Variants in RFNG observed in about 807,000 individuals in gnomAD.
The protein encoded by RFNG is RFNG O-fucosylpeptide 3-beta-N-acetylglucosaminyltransferase.
Under a neutral mutation model 29.6 loss-of-function variants are expected in RFNG, and 37 were observed. The ratio of observed to expected loss-of-function variants is 1.25; its 90% CI spans 0.96 to 1.65. The LOEUF (loss-of-function observed/expected upper bound fraction) is 1.65, where lower values mean the gene tolerates loss of function less well. Among genes scored for constraint, RFNG ranks in the 40% most tolerant of loss-of-function variants. RFNG has a pLI of 0.00. For synonymous variants in RFNG, 276 were observed against 197.3 expected (o/e 1.40, Z -3.34); for missense variants, 546 against 457.0 (o/e 1.19, Z -1.78).
chr17:82,051,612 G>T lies in RFNG; in HGVS notation c.155C>A (p.Ala52Asp), dbSNP rs1364064587. 2.4e-6 allele frequency: 3 copies of T among 1,245,708 alleles called. No individual in the cohort carries two copies. Among genetic ancestry groups the T allele is most frequent in the Non-Finnish European group, 3.0e-6 (3 of 994,184 alleles). The allele number at this position is 1,245,708 out of a possible 1,614,324, so 77.2% of individuals were successfully genotyped here. A position where few individuals can be genotyped will look rare whatever the true frequency, so the allele number is the denominator to read the frequency against. ...GACGTCGTCAGGCCGCAGGCTGGGG[G>T]CAGCGGGCCGGGACGGGGGCGCGCG... ...APRAPPSRPA[A>D]PSLRPDDVFI... The change falls in exon 1 of 8, where the codon GCC (alanine) becomes GAC (aspartate). Residue 52 changes from alanine (A) to aspartate (D), a missense_variant. By Grantham distance (126) the Ala-to-Asp change is moderately radical. Coordinates refer to ENST00000310496, the MANE Select transcript of RFNG (RefSeq NM_002917.2). The surrounding 1 kb of genome is among the most constrained non-coding windows in gnomAD (Gnocchi z 4.1).
intron 6 of RFNG, 170 bp from the exon 7 acceptor site, chr17:82,049,286 A>C: frequency 2.8e-6 from 2 of 710,480 alleles, no homozygotes; most frequent in Non-Finnish European, 5.1e-6. Flanking sequence ...GAGTAGGGGG[A>C]CACCTCAGGC....
Position 82,050,742 on chromosome 17 carries a change from G to A in RFNG, c.339C>T (p.Asn113=), listed in dbSNP as rs1208683188. The change falls in exon 3 of 8, where the codon AAC becomes AAT. Residue 113 remains asparagine (N), a synonymous_variant. Coordinates refer to ENST00000310496, the MANE Select transcript of RFNG (RefSeq NM_002917.2). ...LQGGDRVINT[N]CSAVRTRQAL... The stretch of plus-strand genomic sequence containing the variant: ...CCTGACGAGTGCGCACCGCCGAGCA[G>A]TTGGTGTTGATGACACGGTCGCCTG... The A allele has an allele frequency of 6.2e-7, 1 of 1,613,156 alleles. No individual in the cohort carries two copies. Among genetic ancestry groups the A allele is most frequent in the Non-Finnish European group, 8.5e-7 (1 of 1,179,942 alleles).
In RFNG at chr17:82,051,798, G is replaced by A. The variant is rs1438461919; in HGVS notation, c.-32C>T. ...GCCGGGACCCCCGGCGCTGCGAGCG[G>A]AGAACCTGGCCGGAGCCGTGGGTGG... On this transcript the variant is annotated 5_prime_UTR_variant, in exon 1 of 8. Coordinates refer to ENST00000310496, the MANE Select transcript of RFNG (RefSeq NM_002917.2). This position sits in a 1 kb window ranked among gnomAD's most constrained non-coding sequence, Gnocchi z 4.1. 20 of 1,128,268 alleles carry A rather than the reference G, an allele frequency of 1.8e-5. No homozygotes were observed. Among genetic ancestry groups the A allele is most frequent in the South Asian group, 4.3e-5 (1 of 23,410 alleles). 69.9% of individuals were successfully genotyped at this position (1,128,268 alleles called of 1,614,324 possible). A position where few individuals can be genotyped will look rare whatever the true frequency, so the allele number is the denominator to read the frequency against.
chr17:82,048,227 G>A lies in RFNG; in HGVS notation c.*499C>T. On this transcript the variant is annotated 3_prime_UTR_variant, in exon 8 of 8. Coordinates refer to ENST00000310496, the MANE Select transcript of RFNG (RefSeq NM_002917.2). ...GAGAACATGACCTTCCCGGGCCTGA[G>A]TCCCACTGTGGTGCCCGGCCGTGCA... The A allele has an allele frequency of 5.8e-6, 1 of 171,572 alleles. No individual in the cohort carries two copies. Among genetic ancestry groups the A allele is most frequent in the South Asian group, 1.4e-4 (1 of 7,150 alleles). 10.6% of individuals were successfully genotyped at this position (171,572 alleles called of 1,614,324 possible).
Position 82,051,450 on chromosome 17 carries a change from G to A in RFNG, c.267+50C>T. The A allele has an allele frequency of 1.5e-6, 2 of 1,344,156 alleles. No homozygotes were observed. The highest frequency in any genetic ancestry group is 1.9e-6 in the Non-Finnish European group (2 of 1,045,346). The allele number at this position is 1,344,156 out of a possible 1,614,324, so 83.3% of individuals were successfully genotyped here. On this transcript the variant is annotated intron_variant, in intron 1 of 7. Coordinates refer to ENST00000310496, the MANE Select transcript of RFNG (RefSeq NM_002917.2). This position sits in a 1 kb window ranked among gnomAD's most constrained non-coding sequence, Gnocchi z 4.1. ...CTGGGCCGGGCCTAGACCCTGGGAG[G>A]CGGGGCGGGTGGGCGTGGGGCTCGC... is the stretch of plus-strand genomic sequence containing the variant.
At position 82,051,433 on chromosome 17, in the gene RFNG, G is replaced by C; in HGVS notation, c.267+67C>G. The C allele has an allele frequency of 7.3e-7, 1 of 1,364,596 alleles. No individual in the cohort carries two copies. Among genetic ancestry groups the C allele is most frequent in the Non-Finnish European group, 9.5e-7 (1 of 1,057,258 alleles). 84.5% of individuals were successfully genotyped at this position (1,364,596 alleles called of 1,614,324 possible). On this transcript the variant is annotated intron_variant, in intron 1 of 7. Coordinates refer to ENST00000310496, the MANE Select transcript of RFNG (RefSeq NM_002917.2). The surrounding 1 kb of genome is among the most constrained non-coding windows in gnomAD (Gnocchi z 4.1). ...GCGGAGCCTCCGGGGGCCTGGGCCG[G>C]GCCTAGACCCTGGGAGGCGGGGCGG...
At position 82,050,370 on chromosome 17, in the gene RFNG, T is replaced by C. The variant is rs376580295; in HGVS notation, c.573+32A>G. The C allele has an allele frequency of 3.3e-5, 51 of 1,536,758 alleles. No homozygotes were observed. In the African/African-American group the frequency reaches 6.1e-4, roughly 18 times the overall value. Reference sequence around the variant, plus strand: ...TCCCGGGCTGGTGTCAAGGAAGGCGTCTGCTCCGATGGCGTCTGCTCCGAC... The same window carrying C: ...TCCCGGGCTGGTGTCAAGGAAGGCGCCTGCTCCGATGGCGTCTGCTCCGAC... On this transcript the variant is annotated intron_variant, in intron 4 of 7. Coordinates refer to ENST00000310496, the MANE Select transcript of RFNG (RefSeq NM_002917.2).
chr17:82,051,240 G>A lies in RFNG; in HGVS notation c.316+54C>T, dbSNP rs867404966. 16 of 1,328,350 alleles carry A rather than the reference G, an allele frequency of 1.2e-5. No homozygotes were observed. In the Middle Eastern group the frequency reaches 9.1e-4, roughly 76 times the overall value. 82.3% of individuals were successfully genotyped at this position (1,328,350 alleles called of 1,614,324 possible). ...AGCGAAGGGGCCGTGGCTTCGGAGCGAGAAAGGCTCGGGGGGCAGATCCCG... is the reference window on the plus strand; with the variant it reads ...AGCGAAGGGGCCGTGGCTTCGGAGCAAGAAAGGCTCGGGGGGCAGATCCCG... On this transcript the variant is annotated intron_variant, in intron 2 of 7. Transcript: ENST00000310496. The surrounding 1 kb of genome is among the most constrained non-coding windows in gnomAD (Gnocchi z 4.1).
Position 82,051,570 on chromosome 17 carries a change from G to C in RFNG, c.197C>G (p.Thr66Ser). The C allele has an allele frequency of 2.9e-6, 4 of 1,377,634 alleles. No individual in the cohort carries two copies. The highest frequency in any genetic ancestry group is 3.8e-6 in the Non-Finnish European group (4 of 1,061,798). 85.3% of individuals were successfully genotyped at this position (1,377,634 alleles called of 1,614,324 possible). ...RPDDVFIAVKTTRKNHGPRLR... is the reference protein window; with the variant it reads ...RPDDVFIAVKSTRKNHGPRLR... ...GCGCGGCCCGTGGTTCTTCCGGGTGGTCTTGACGGCGATGAAGACGTCGTC... is the reference window on the plus strand; with the variant it reads ...GCGCGGCCCGTGGTTCTTCCGGGTGCTCTTGACGGCGATGAAGACGTCGTC... The change falls in exon 1 of 8, where the codon ACC (threonine) becomes AGC (serine). Residue 66 changes from threonine to serine, a missense_variant. Thr to Ser is a moderately conservative substitution (Grantham distance 58). Transcript: ENST00000310496. This position sits in a 1 kb window ranked among gnomAD's most constrained non-coding sequence, Gnocchi z 4.1.
chr17:82,051,342 T>C lies in RFNG; in HGVS notation c.268A>G (p.Thr90Ala). The change falls in exon 2 of 8, where the codon ACG becomes GCG. Residue 90 changes from threonine (T) to alanine (A), a missense_variant and splice_region_variant. Physicochemically the swap from Thr to Ala is moderately conservative, Grantham distance 58. Coordinates refer to ENST00000310496, the MANE Select transcript of RFNG (RefSeq NM_002917.2). The surrounding 1 kb of genome is among the most constrained non-coding windows in gnomAD (Gnocchi z 4.1). Reference sequence around the variant, plus strand: ...TCGTCCCCGTCGGTGAAGATAAACGTCTGGGGGAGAAACAATCTATGAGGC... The same window carrying C: ...TCGTCCCCGTCGGTGAAGATAAACGCCTGGGGGAGAAACAATCTATGAGGC... ...RTWISRARQQ[T>A]FIFTDGDDPE... 6.8e-7 allele frequency: 1 copy of C among 1,465,730 alleles called. No individual in the cohort carries two copies. Among genetic ancestry groups the C allele is most frequent in the Non-Finnish European group, 8.9e-7 (1 of 1,118,324 alleles). 90.8% of individuals were successfully genotyped at this position (1,465,730 alleles called of 1,614,324 possible). A position where few individuals can be genotyped will look rare whatever the true frequency, so the allele number is the denominator to read the frequency against.
At position 82,051,536 on chromosome 17, in the gene RFNG, C is replaced by T; in HGVS notation, c.231G>A (p.Leu77=). The T allele has an allele frequency of 7.1e-7, 1 of 1,399,938 alleles. No homozygotes were observed. The highest frequency in any genetic ancestry group is 9.3e-7 in the Non-Finnish European group (1 of 1,072,798). 86.7% of individuals were successfully genotyped at this position (1,399,938 alleles called of 1,614,324 possible). A position where few individuals can be genotyped will look rare whatever the true frequency, so the allele number is the denominator to read the frequency against. ...TRKNHGPRLR[L]LLRTWISRAR... ...CCCGGGAGATCCAGGTGCGCAGCAG[C>T]AGCCGCAGGCGCGGCCCGTGGTTCT... The change falls in exon 1 of 8, where the codon CTG becomes CTA. Residue 77 remains leucine, a synonymous_variant. Coordinates refer to ENST00000310496, the MANE Select transcript of RFNG (RefSeq NM_002917.2). The surrounding 1 kb of genome is among the most constrained non-coding windows in gnomAD (Gnocchi z 4.1).
At position 82,049,088 on chromosome 17, in the gene RFNG, T is replaced by C. The variant is rs2030101050; in HGVS notation, c.857A>G (p.Asn286Ser). Residue 286 changes from asparagine to serine, a missense_variant, in exon 7 of 8, where the codon AAC becomes AGC. Asn to Ser is a conservative substitution (Grantham distance 46). Coordinates refer to ENST00000310496, the MANE Select transcript of RFNG (RefSeq NM_002917.2). ...AGCCACGTTCACCACGTTATGTGGG[T>C]TCTCAGGACCCCCATGGCTCAAGGT... ...QVTLSHGGPENPHNVVNVAGG... is the reference protein window; with the variant it reads ...QVTLSHGGPESPHNVVNVAGG... 1 of 1,613,506 alleles carries C rather than the reference T, an allele frequency of 6.2e-7. No homozygotes were observed. Among genetic ancestry groups the C allele is most frequent in the Admixed American group, 1.7e-5 (1 of 60,004 alleles).
rs977036470 is a variant in RFNG at position 82,051,154 on chromosome 17, C to T, written c.316+140G>A. On this transcript the variant is annotated intron_variant, in intron 2 of 7. Coordinates refer to ENST00000310496, the MANE Select transcript of RFNG (RefSeq NM_002917.2). The surrounding 1 kb of genome is among the most constrained non-coding windows in gnomAD (Gnocchi z 4.1). ...GTGGGCCCTCCGCAGGCCGCGTGAC[C>T]TGGGCAGCGTCGGGGCCTCCCCGGG... is the stretch of plus-strand genomic sequence containing the variant. 2.4e-5 allele frequency: 32 copies of T among 1,310,338 alleles called. No individual in the cohort carries two copies. In the South Asian group the frequency reaches 5.5e-4, roughly 22 times the overall value. 81.2% of individuals were successfully genotyped at this position (1,310,338 alleles called of 1,614,324 possible).
In RFNG at chr17:82,051,245, A is replaced by G. The variant is rs758958470; in HGVS notation, c.316+49T>C. The G allele has an allele frequency of 7.5e-6, 10 of 1,331,356 alleles. No individual in the cohort carries two copies. Among genetic ancestry groups the G allele is most frequent in the Non-Finnish European group, 8.7e-6 (9 of 1,037,200 alleles). The allele number at this position is 1,331,356 out of a possible 1,614,324, so 82.5% of individuals were successfully genotyped here. ...AGGGGCCGTGGCTTCGGAGCGAGAA[A>G]GGCTCGGGGGGCAGATCCCGCGGGC... is the stretch of plus-strand genomic sequence containing the variant. On this transcript the variant is annotated intron_variant, in intron 2 of 7. Coordinates refer to ENST00000310496, the MANE Select transcript of RFNG (RefSeq NM_002917.2). The surrounding 1 kb of genome is among the most constrained non-coding windows in gnomAD (Gnocchi z 4.1).
Position 82,051,555 on chromosome 17 carries a change from T to C in RFNG, c.212A>G (p.His71Arg). The change falls in exon 1 of 8, where the codon CAC (histidine) becomes CGC (arginine). Residue 71 changes from histidine (H) to arginine (R), a missense_variant. Transcript: ENST00000310496. This position sits in a 1 kb window ranked among gnomAD's most constrained non-coding sequence, Gnocchi z 4.1. ...CAGCAGCAGCCGCAGGCGCGGCCCG[T>C]GGTTCTTCCGGGTGGTCTTGACGGC... ...FIAVKTTRKN[H>R]GPRLRLLLRT... The C allele has an allele frequency of 7.2e-7, 1 of 1,394,550 alleles. No individual in the cohort carries two copies. The highest frequency in any genetic ancestry group is 9.3e-7 in the Non-Finnish European group (1 of 1,070,388). The allele number at this position is 1,394,550 out of a possible 1,614,324, so 86.4% of individuals were successfully genotyped here.
At chr17:82,048,873 G>GTA (rs2030083447) in intron 7 of RFNG, 66 bp from the exon 8 acceptor site, 7 of 1,511,330 alleles carry the variant, frequency 4.6e-6, no homozygotes, top group Non-Finnish European at 6.4e-6. Flanking sequence ...AGGGCCGTGG[G>GTA]CGGCGGGAGA....
At position 82,050,496 on chromosome 17, in the gene RFNG, A is replaced by T; in HGVS notation, c.479T>A (p.Leu160His). ...GTCCTGGCTGGGTGAGAAGCTGGAG[A>T]GCAGGTGCAGGAGGCTCCTGGCGTT... ...YVNARSLLHL[L>H]SSFSPSQDVY... Residue 160 changes from leucine (L) to histidine (H), a missense_variant, in exon 4 of 8, where the codon CTC (leucine) becomes CAC (histidine). Coordinates refer to ENST00000310496, the MANE Select transcript of RFNG (RefSeq NM_002917.2). The T allele has an allele frequency of 6.2e-7, 1 of 1,612,914 alleles. No individual in the cohort carries two copies. Among genetic ancestry groups the T allele is most frequent in the South Asian group, 1.1e-5 (1 of 91,060 alleles).
At chr17:82,048,838 G>A (rs758363257) in intron 7 of RFNG, 31 bp from the exon 8 acceptor site, 19 of 1,586,326 alleles carry the variant, frequency 1.2e-5, no homozygotes, top group African/African-American at 4.0e-5. Flanking sequence ...GGTCAGGGCC[G>A]TGGGCGGAGA....
chr17:82,051,257 C>A lies in RFNG; in HGVS notation c.316+37G>T. 1 of 1,343,484 alleles carries A rather than the reference C, an allele frequency of 7.4e-7. No individual in the cohort carries two copies. Among genetic ancestry groups the A allele is most frequent in the Non-Finnish European group, 9.6e-7 (1 of 1,044,344 alleles). 83.2% of individuals were successfully genotyped at this position (1,343,484 alleles called of 1,614,324 possible). ...TTCGGAGCGAGAAAGGCTCGGGGGGCAGATCCCGCGGGCGCCGGGGAGTGG... is the reference window on the plus strand; with the variant it reads ...TTCGGAGCGAGAAAGGCTCGGGGGGAAGATCCCGCGGGCGCCGGGGAGTGG... On this transcript the variant is annotated intron_variant, in intron 2 of 7. Transcript: ENST00000310496. The surrounding 1 kb of genome is among the most constrained non-coding windows in gnomAD (Gnocchi z 4.1).
Sources: gnomAD v4.1 joint callset for allele counts on GRCh38, gnomAD v4.1.1 for gene constraint, Gnocchi (gnomAD v3.1) non-coding constraint, MANE v1.5 for transcripts, NCBI Gene and HGNC (gene_info 2026-07-23, HGNC 2026-07-21) for gene names.